The following PARD3B variants were observed in gnomAD, a reference collection of about 807,000 sequenced individuals.
PARD3B encodes the protein partitioning defective 3 homolog B.
PARD3B carries 103 observed loss-of-function variants against 130.2 expected under a neutral mutation model. That is an observed-to-expected ratio of 0.79 (90% CI 0.67 to 0.93). PARD3B has a LOEUF of 0.93. Ranked by LOEUF, PARD3B falls within the 40% of genes least tolerant of loss-of-function variation. The pLI, the probability that PARD3B is intolerant of heterozygous loss-of-function variation, is 0.00. For missense variants in PARD3B, 1,609 were observed against 1,499.2 expected (o/e 1.07, Z -1.21); for synonymous variants, 583 against 553.2 (o/e 1.05, Z -0.76).
chr2:205,600,175 A>G (rs1424226102), intron 22 of PARD3B, among the ~76,000 whole-genome samples: 2 of 152,328 alleles, frequency 1.3e-5, no homozygotes, highest in Middle Eastern at 3.4e-3. Flanking sequence ...CTGCAGCATG[A>G]AAGTGGACAG....
chr2:204,977,176 G>A (rs1394146534), intron 3 of PARD3B, among the ~76,000 whole-genome samples: 1 of 152,098 alleles, frequency 6.6e-6, no homozygotes, highest in Non-Finnish European at 1.5e-5. Context: ...ATGCCTTCGT[G>A]CTTGTTTTTA....
chr2:204,925,845 C>T (rs894459147), intron 2 of PARD3B, among the ~76,000 whole-genome samples: 16 of 152,010 alleles, frequency 1.1e-4, no homozygotes, highest in African/African-American at 3.9e-4. Context: ...GGCATTTTCC[C>T]CTGTGCTGTT....
At chr2:205,205,595 T>C (rs1003494475) in intron 15 of PARD3B, among the ~76,000 whole-genome samples, 58 of 151,884 alleles carry the variant, frequency 3.8e-4, no homozygotes, top group African/African-American at 1.3e-3. Context: ...TCATAAATCG[T>C]TTTTATTATT....
At chr2:204,847,553 A>G (rs945441636) in intron 2 of PARD3B, among the ~76,000 whole-genome samples, 2 of 152,170 alleles carry the variant, frequency 1.3e-5, no homozygotes, top group African/African-American at 2.4e-5. Flanking sequence ...GTTGCATTCC[A>G]TTCTGAGGAG....
chr2:204,981,992 C>G (rs1234304039), intron 3 of PARD3B, among the ~76,000 whole-genome samples: 1 of 151,796 alleles, frequency 6.6e-6, no homozygotes. Context: ...TGTACACACA[C>G]ACATATATAT....
chr2:205,194,567 T>C (rs758493414), intron 15 of PARD3B, among the ~76,000 whole-genome samples: 6 of 152,176 alleles, frequency 3.9e-5, no homozygotes, highest in Non-Finnish European at 5.9e-5. Flanking sequence ...CCAATTTCTC[T>C]GTAAAGAAGA....
chr2:204,931,640 C>T (rs1233187704), intron 2 of PARD3B, among the ~76,000 whole-genome samples: 1 of 151,152 alleles, frequency 6.6e-6, no homozygotes, highest in Non-Finnish European at 1.5e-5. Context: ...TATTGGCAAG[C>T]TTTCCAGCTT....
chr2:205,362,550 A>G (rs915778443), intron 18 of PARD3B, among the ~76,000 whole-genome samples: 1 of 152,184 alleles, frequency 6.6e-6, no homozygotes, highest in Admixed American at 6.5e-5. Flanking sequence ...TTATTTTTCT[A>G]TACCAACTGA....
chr2:204,629,335 T>C (rs2034601710), intron 1 of PARD3B, among the ~76,000 whole-genome samples: 1 of 152,224 alleles, frequency 6.6e-6, no homozygotes, highest in Non-Finnish European at 1.5e-5. Context: ...CATACCGTGC[T>C]CCTGCAGTGA....
chr2:205,502,682 T>C (rs995725959), intron 21 of PARD3B, among the ~76,000 whole-genome samples: 2 of 152,128 alleles, frequency 1.3e-5, no homozygotes, highest in African/African-American at 2.4e-5. Flanking sequence ...ACCTAACAAC[T>C]ACTCGTAAAC....
chr2:204,587,640 A>G (rs1254544691), intron 1 of PARD3B, among the ~76,000 whole-genome samples: 2 of 152,196 alleles, frequency 1.3e-5, no homozygotes, highest in East Asian at 1.9e-4. Context: ...AAATAAGCCA[A>G]TTGTTTTCCC....
In PARD3B at chr2:205,458,747, A is replaced by G. The variant is rs2048354155; in HGVS notation, c.3044+18075A>G. On this transcript the variant is annotated intron_variant, in intron 20 of 22. Transcript: ENST00000406610. This position sits in a 1 kb window ranked among gnomAD's most constrained non-coding sequence, Gnocchi z 4.8. ...TTCTTCACTTTAGTCATTTGGTCTT[A>G]TCTCCTGGTATGCATATTTTTGATC... is the stretch of plus-strand genomic sequence containing the variant. Among the ~76,000 whole-genome samples, 1 of 152,098 alleles carries G rather than the reference A, an allele frequency of 6.6e-6. No homozygotes were observed. Among genetic ancestry groups the G allele is most frequent in the Non-Finnish European group, 1.5e-5 (1 of 68,010 alleles).
chr2:204,836,298 A>G (rs1394573229), intron 2 of PARD3B, among the ~76,000 whole-genome samples: 1 of 152,240 alleles, frequency 6.6e-6, no homozygotes, highest in African/African-American at 2.4e-5. Flanking sequence ...CAAGTAAATC[A>G]GAAATATAAT....
chr2:205,108,812 T>C (rs1219930228), intron 5 of PARD3B, among the ~76,000 whole-genome samples: 1 of 152,220 alleles, frequency 6.6e-6, no homozygotes, highest in Non-Finnish European at 1.5e-5. Context: ...GTCTTGACTC[T>C]ATAGAAATGG....
At chr2:205,076,598 G>A (rs574195294) in intron 4 of PARD3B, among the ~76,000 whole-genome samples, 30 of 152,316 alleles carry the variant, frequency 2.0e-4, no homozygotes, top group African/African-American at 7.2e-4. Context: ...GAGGTAAGCA[G>A]TAGGCAAGAA....
intron 6 of PARD3B, among the ~76,000 whole-genome samples, chr2:205,117,777 C>A (rs1269484909): frequency 6.6e-6 from 1 of 152,170 alleles, no homozygotes; most frequent in Non-Finnish European, 1.5e-5. Flanking sequence ...ACTCTGGACA[C>A]AGCTAAGCCT....
chr2:205,319,591 T>C (rs1340085000), intron 18 of PARD3B, among the ~76,000 whole-genome samples: 1 of 152,178 alleles, frequency 6.6e-6, no homozygotes, highest in African/African-American at 2.4e-5. Flanking sequence ...TCTGTGCTTT[T>C]GTGTGATTTT....
At chr2:205,394,563 A>G (rs2045961251) in intron 18 of PARD3B, among the ~76,000 whole-genome samples, 1 of 152,158 alleles carries the variant, frequency 6.6e-6, no homozygotes. Flanking sequence ...CTTATTTACA[A>G]TAGCCAAAAG....
At chr2:204,592,144 T>A (rs1316178840) in intron 1 of PARD3B, among the ~76,000 whole-genome samples, 1 of 152,252 alleles carries the variant, frequency 6.6e-6, no homozygotes, top group Non-Finnish European at 1.5e-5. Context: ...AGGAGATGGC[T>A]GGAGGCCAAA....
Sources: allele counts gnomAD v4.1 joint callset (sites outside exome capture counted in the v4.1 genomes callset), GRCh38; gene constraint gnomAD v4.1.1; non-coding constraint Gnocchi (gnomAD v3.1); transcripts MANE v1.5; gene names NCBI Gene and HGNC (gene_info 2026-07-23, HGNC 2026-07-21).